The following SLC44A5 variants were observed in gnomAD, a reference collection of about 807,000 sequenced individuals.
SLC44A5 encodes the protein solute carrier family 44 member 5.
SLC44A5 carries 57 observed loss-of-function variants against 101.8 expected under a neutral mutation model. The ratio of observed to expected loss-of-function variants is 0.56; its 90% CI spans 0.45 to 0.70. The LOEUF is 0.70. SLC44A5 is among the 30% of genes least tolerant of loss of function. SLC44A5 has a pLI of 0.00. For synonymous variants in SLC44A5, 281 were observed against 290.9 expected (o/e 0.97, Z 0.35); for missense variants, 737 against 853.1 (o/e 0.86, Z 1.70).
intron 2 of SLC44A5, among the ~76,000 whole-genome samples, chr1:75,482,922 C>A (rs1169911292): frequency 2.0e-5 from 3 of 151,992 alleles, no homozygotes; most frequent in African/African-American, 7.3e-5. Context: ...TTATGATAAA[C>A]TATGAAATAA....
At chr1:75,474,452 T>C (rs1392712624) in intron 2 of SLC44A5, among the ~76,000 whole-genome samples, 1 of 152,226 alleles carries the variant, frequency 6.6e-6, no homozygotes, top group Non-Finnish European at 1.5e-5. Flanking sequence ...AATTCACACC[T>C]CAATGCCAAT....
chr1:75,336,291 T>C (rs890360368), intron 4 of SLC44A5, among the ~76,000 whole-genome samples: 1 of 151,882 alleles, frequency 6.6e-6, no homozygotes, highest in East Asian at 1.9e-4. Flanking sequence ...GAATGTGAGA[T>C]TAAAGGCACG....
At chr1:75,560,033 G>C (rs1203249717) in intron 1 of SLC44A5, among the ~76,000 whole-genome samples, 1 of 152,130 alleles carries the variant, frequency 6.6e-6, no homozygotes, top group Non-Finnish European at 1.5e-5. Flanking sequence ...GATTTAGGCA[G>C]TAACAACTGT....
At chr1:75,309,316 G>A (rs915550965) in intron 4 of SLC44A5, among the ~76,000 whole-genome samples, 2 of 152,158 alleles carry the variant, frequency 1.3e-5, no homozygotes, top group African/African-American at 4.8e-5. Context: ...GTGGTGGCAT[G>A]TGCCTATAGT....
chr1:75,414,078 T>C (rs1439815786), intron 2 of SLC44A5, among the ~76,000 whole-genome samples: 1 of 152,142 alleles, frequency 6.6e-6, no homozygotes, highest in African/African-American at 2.4e-5. Context: ...GAGCTAGATC[T>C]TGAGTCATTA....
At chr1:75,396,788 A>T (rs1226926177) in intron 2 of SLC44A5, 167 bp from the exon 3 acceptor site, 1 of 595,260 alleles carries the variant, frequency 1.7e-6, no homozygotes, top group Non-Finnish European at 3.0e-6. Flanking sequence ...CAAAGCTGCC[A>T]ATAATGAGCA....
intron 2 of SLC44A5, among the ~76,000 whole-genome samples, chr1:75,540,497 T>C (rs1671300498): frequency 1.3e-5 from 2 of 152,220 alleles, no homozygotes; most frequent in South Asian, 4.1e-4. Flanking sequence ...GTCCATATAG[T>C]ACAATGTATT....
chr1:75,702,966 C>T, the SLC44A5 span, among the ~76,000 whole-genome samples: 38 of 151,834 alleles, frequency 2.5e-4, no homozygotes, highest in African/African-American at 7.3e-4. Context: ...TGAGATACCA[C>T]CTCACACCAG....
At chr1:75,413,864 A>T (rs962236222) in intron 2 of SLC44A5, among the ~76,000 whole-genome samples, 4 of 152,212 alleles carry the variant, frequency 2.6e-5, no homozygotes, top group Non-Finnish European at 5.9e-5. Context: ...AGTCCCAGGC[A>T]GTCCACATGA....
chr1:75,287,833 C>A (rs1653196109), intron 5 of SLC44A5, among the ~76,000 whole-genome samples: 1 of 152,140 alleles, frequency 6.6e-6, no homozygotes, highest in East Asian at 1.9e-4. Flanking sequence ...AATACCAGCA[C>A]CTACTCTGGC....
At chr1:75,275,421 T>C (rs1220626359) in intron 5 of SLC44A5, among the ~76,000 whole-genome samples, 1 of 152,094 alleles carries the variant, frequency 6.6e-6, no homozygotes, top group African/African-American at 2.4e-5. Flanking sequence ...TTACAGTAAA[T>C]AATATGATGT....
chr1:75,690,039 G>A, the SLC44A5 span, among the ~76,000 whole-genome samples: 1 of 152,120 alleles, frequency 6.6e-6, no homozygotes, highest in African/African-American at 2.4e-5. Context: ...TCAGCAGGAA[G>A]TAGAAATAGA....
At chr1:75,490,759 T>C (rs142147645) in intron 2 of SLC44A5, among the ~76,000 whole-genome samples, 4 of 152,316 alleles carry the variant, frequency 2.6e-5, no homozygotes, top group African/African-American at 9.6e-5. Context: ...TAGCACAGAA[T>C]AGAAAGATTA....
chr1:75,281,276 A>G (rs534387396), intron 5 of SLC44A5, among the ~76,000 whole-genome samples: 6 of 152,272 alleles, frequency 3.9e-5, no homozygotes, highest in African/African-American at 1.4e-4. Flanking sequence ...GCTATGCTTT[A>G]GCAAGGAGAA....
intron 4 of SLC44A5, among the ~76,000 whole-genome samples, chr1:75,322,071 C>T (rs1249661): frequency 0.53 from 80,416 of 152,042 alleles, 22,897 homozygotes; most frequent in East Asian, 0.85. Context: ...TCCAGCACTT[C>T]GGGAGGCTGA....
At chr1:75,457,717 G>A (rs1666265083) in intron 2 of SLC44A5, among the ~76,000 whole-genome samples, 1 of 152,136 alleles carries the variant, frequency 6.6e-6, no homozygotes, top group African/African-American at 2.4e-5. Flanking sequence ...AACTAGCCGG[G>A]CATGGAGGCG....
the SLC44A5 span, among the ~76,000 whole-genome samples, chr1:75,707,670 T>A: frequency 6.6e-6 from 1 of 152,208 alleles, no homozygotes; most frequent in African/African-American, 2.4e-5. Flanking sequence ...TTATTTTTTA[T>A]AATTTCTATG....
At chr1:75,219,579 G>A (rs1417836749) in intron 15 of SLC44A5, among the ~76,000 whole-genome samples, 1 of 152,098 alleles carries the variant, frequency 6.6e-6, no homozygotes, top group East Asian at 1.9e-4. Flanking sequence ...TTGCTAAGGA[G>A]CAGTATCATG....
chr1:75,686,686 A>G, the SLC44A5 span, among the ~76,000 whole-genome samples: 2 of 152,244 alleles, frequency 1.3e-5, no homozygotes, highest in Admixed American at 1.3e-4. Context: ...TTTGCATTTT[A>G]AAAGGATAAC....
Sources: gnomAD v4.1 joint callset for allele counts (sites outside exome capture counted in the v4.1 genomes callset) on GRCh38, gnomAD v4.1.1 for gene constraint, MANE v1.5 for transcripts, NCBI Gene and HGNC (gene_info 2026-07-23, HGNC 2026-07-21) for gene names.